Variants in ALOXE3 observed in about 807,000 individuals in gnomAD.
ALOXE3 encodes hydroperoxide isomerase ALOXE3.
In ALOXE3, 78 loss-of-function variants were observed where a neutral mutation model predicts 87.5. The ratio of observed to expected loss-of-function variants is 0.89; its 90% CI spans 0.74 to 1.08. The LOEUF is 1.08. Ranked by LOEUF, ALOXE3 falls within the 50% of genes least tolerant of loss-of-function variation. The pLI is 0.00. For missense variants in ALOXE3, 946 were observed against 912.4 expected, an observed-to-expected ratio of 1.04 and a Z score of -0.47; for synonymous variants, 363 against 370.8, an observed-to-expected ratio of 0.98 and a Z score of 0.24.
intron 13 of ALOXE3, among the ~76,000 whole-genome samples, chr17:8,104,633 C>T (rs865934529): frequency 2.0e-5 from 3 of 152,156 alleles, no homozygotes; most frequent in Non-Finnish European, 2.9e-5. Context: ...ACGCAGAGGG[C>T]GTGTTACTGA....
intron 6 of ALOXE3, among the ~76,000 whole-genome samples, chr17:8,113,648 G>A (rs746971480): frequency 1.1e-4 from 17 of 149,396 alleles, no homozygotes; most frequent in South Asian, 2.1e-4. Flanking sequence ...GTGAGACTCC[G>A]TCTCAAAACA....
chr17:8,098,553 T>C (rs1379948810), intron 15 of ALOXE3, among the ~76,000 whole-genome samples: 1 of 152,156 alleles, frequency 6.6e-6, no homozygotes, highest in Non-Finnish European at 1.5e-5. Flanking sequence ...AATATACTTC[T>C]AATCAAAACT....
chr17:8,118,637 C>G (rs570301852), upstream of ALOXE3: 5 of 1,537,088 alleles, frequency 3.3e-6, no homozygotes, highest in Admixed American at 9.8e-5. Context: ...CCCTGTCACC[C>G]CATACACCGA....
chr17:8,103,609 G>T (rs1979067294), intron 14 of ALOXE3, 116 bp from the exon 15 acceptor site: 2 of 1,180,232 alleles, frequency 1.7e-6, no homozygotes, highest in Non-Finnish European at 2.5e-6. Flanking sequence ...GGAAATGAGG[G>T]GATCACGGAA....
chr17:8,104,302 G>T, intron 13 of ALOXE3, 87 bp from the exon 14 acceptor site: 2 of 981,064 alleles, frequency 2.0e-6, no homozygotes, highest in Non-Finnish European at 3.2e-6. Flanking sequence ...ACCACAGGGG[G>T]AAAGTGAGGA....
At chr17:8,100,422 T>C (rs965218202) in intron 15 of ALOXE3, among the ~76,000 whole-genome samples, 17 of 152,158 alleles carry the variant, frequency 1.1e-4, no homozygotes, top group African/African-American at 3.9e-4. Context: ...ACCAGCTGAT[T>C]GCATGCAAGT....
intron 15 of ALOXE3, among the ~76,000 whole-genome samples, chr17:8,097,389 A>G (rs1245996452): frequency 6.6e-6 from 1 of 152,204 alleles, no homozygotes; most frequent in Non-Finnish European, 1.5e-5. Flanking sequence ...CAAAGTAAAC[A>G]CTGCCCAGGA....
Position 8,118,109 on chromosome 17 carries a change from G to A in ALOXE3, c.-119C>T, listed in dbSNP as rs1480908738. On this transcript the variant is annotated 5_prime_UTR_variant, in exon 2 of 16. Coordinates refer to ENST00000448843, the MANE Select transcript of ALOXE3 (RefSeq NM_021628.3). ...TGGGCGGAGGGCTAGGGGCTGCGGG[G>A]CTGGGTAGGGCTGAGGATGGGCCCA... The A allele has an allele frequency of 1.3e-6, 2 of 1,552,218 alleles. No individual in the cohort carries two copies. The highest frequency in any genetic ancestry group is 2.4e-5 in the East Asian group (1 of 41,232).
chr17:8,100,392 A>G (rs8078017), intron 15 of ALOXE3, among the ~76,000 whole-genome samples: 62,097 of 151,866 alleles, frequency 0.41, 13,229 homozygotes, highest in East Asian at 0.62. Context: ...CCTTCTGGGA[A>G]CTTCCAGCAC....
At chr17:8,102,255 G>A (rs1489531330) in intron 15 of ALOXE3, among the ~76,000 whole-genome samples, 2 of 152,192 alleles carry the variant, frequency 1.3e-5, no homozygotes, top group African/African-American at 4.8e-5. Flanking sequence ...AGCACTTTGG[G>A]AGGCCAAGAT....
At chr17:8,110,318 A>T (rs1468163616) in intron 9 of ALOXE3, 23 bp from the exon 10 acceptor site, 2 of 1,612,320 alleles carry the variant, frequency 1.2e-6, no homozygotes, top group African/African-American at 2.7e-5. Flanking sequence ...GGAACGAGGG[A>T]TGATGGGGCT....
chr17:8,098,471 C>G (rs1191920462), intron 15 of ALOXE3, among the ~76,000 whole-genome samples: 3 of 151,510 alleles, frequency 2.0e-5, no homozygotes, highest in Non-Finnish European at 4.4e-5. Flanking sequence ...AACTCCAAAC[C>G]TCAGGTGATC....
At position 8,118,312 on chromosome 17, in the gene ALOXE3, G is replaced by A; in HGVS notation, c.-313-9C>T. ...CAGGAGCCTGGGTTCCACTGCGGAG[G>A]GAGGGATCAGATGCTGAGATGGAGA... On this transcript the variant is annotated splice_polypyrimidine_tract_variant and intron_variant, in intron 1 of 15. Transcript: ENST00000448843. The A allele has an allele frequency of 6.4e-7, 1 of 1,551,810 alleles. No homozygotes were observed. Among genetic ancestry groups the A allele is most frequent in the Non-Finnish European group, 8.7e-7 (1 of 1,147,032 alleles).
At chr17:8,114,638 A>C in intron 5 of ALOXE3, 29 bp from the exon 6 acceptor site, 1 of 1,613,348 alleles carries the variant, frequency 6.2e-7, no homozygotes. Context: ...GAAAGACAGA[A>C]ACCAGTCAGT....
intron 12 of ALOXE3, 118 bp from the exon 13 acceptor site, chr17:8,108,707 G>A: frequency 6.9e-7 from 1 of 1,455,506 alleles, no homozygotes; most frequent in Non-Finnish European, 9.4e-7. Flanking sequence ...GGTTCAGCAG[G>A]GACCCCCAGG....
chr17:8,108,755 C>T (rs1419558641), intron 12 of ALOXE3, among the ~76,000 whole-genome samples, 166 bp from the exon 13 acceptor site: 1 of 152,110 alleles, frequency 6.6e-6, no homozygotes, highest in Admixed American at 6.5e-5. Context: ...TCCCTTAAGT[C>T]CCACTCACTC....
In ALOXE3 at chr17:8,097,977, G is replaced by T. The variant is rs1047446137; in HGVS notation, c.1957-1171C>A. On this transcript the variant is annotated intron_variant, in intron 15 of 15. Coordinates refer to ENST00000448843, the MANE Select transcript of ALOXE3 (RefSeq NM_021628.3). ...TTAGCCAGGATGGTCTCGATCTCCT[G>T]ACCTCGTGATCTGCCCGCCTCGGCC... Among the ~76,000 whole-genome samples the T allele has an allele frequency of 2.0e-5, 3 of 151,908 alleles. No individual in the cohort carries two copies. In the East Asian group the frequency reaches 5.9e-4, roughly 30 times the overall value.
intron 9 of ALOXE3, 43 bp from the exon 10 acceptor site, chr17:8,110,338 C>T (rs944602448): frequency 6.2e-7 from 1 of 1,609,692 alleles, no homozygotes. Flanking sequence ...TCCGGGCTGG[C>T]GGTTAGCACC....
rs559981219 is a variant in ALOXE3 at position 8,102,063 on chromosome 17, G to A, written c.1956+1260C>T. On this transcript the variant is annotated intron_variant, in intron 15 of 15. Coordinates refer to ENST00000448843, the MANE Select transcript of ALOXE3 (RefSeq NM_021628.3). ...AAGATGATGGGAACCAGTGATAAAG[G>A]GCTACTTGCCTGGCCTAAACTCAGA... 3.3e-5 allele frequency among the ~76,000 whole-genome samples: 5 copies of A among 152,300 alleles called. No individual in the cohort carries two copies. The South Asian group carries it at 1.0e-3, about 32-fold the overall frequency.
Sources: gnomAD v4.1 joint callset for allele counts (sites outside exome capture counted in the v4.1 genomes callset) on GRCh38, gnomAD v4.1.1 for gene constraint, MANE v1.5 for transcripts, NCBI Gene and HGNC (gene_info 2026-07-23, HGNC 2026-07-21) for gene names.